The following DAZAP1 variants were observed in gnomAD, a reference collection of about 807,000 sequenced individuals.
DAZAP1 encodes the protein DAZ-associated protein 1.
DAZAP1 carries 6 observed loss-of-function variants against 60.1 expected under a neutral mutation model. That is an observed-to-expected ratio of 0.10 (90% confidence interval 0.05 to 0.20). The LOEUF (loss-of-function observed/expected upper bound fraction) is 0.20. Ranked by LOEUF, DAZAP1 falls within the 10% of genes least tolerant of loss-of-function variation. DAZAP1 has a pLI of 1.00. For missense variants in DAZAP1, 366 were observed against 560.4 expected (o/e 0.65, Z 3.50); for synonymous variants, 235 against 215.9 (o/e 1.09, Z -0.78).
intron 5 of DAZAP1, 50 bp downstream of exon 5, chr19:1,421,308 C>T (rs2083149047): frequency 4.5e-6 from 7 of 1,555,726 alleles, no homozygotes; most frequent in Non-Finnish European, 6.2e-6. Context: ...GCCGCTTCTG[C>T]TCAGGCCTGG....
chr19:1,407,739 G>A lies in DAZAP1; in HGVS notation c.-35G>A, dbSNP rs2082706089. 2 of 1,080,616 alleles carry A rather than the reference G, an allele frequency of 1.9e-6. No homozygotes were observed. The highest frequency in any genetic ancestry group is 1.7e-5 in the African/African-American group (1 of 58,566). The allele number at this position is 1,080,616 out of a possible 1,614,324, so 66.9% of individuals were successfully genotyped here. On this transcript the variant is annotated 5_prime_UTR_variant, in exon 1 of 12. Transcript: ENST00000233078. ...TCCGGAGGCGGGAGCGAGCGAGGAG[G>A]CCCGGGAGCGCCGAGCGTCGCCGCC...
At chr19:1,417,408 T>G in intron 1 of DAZAP1, 92 bp from the exon 2 acceptor site, 1 of 1,410,002 alleles carries the variant, frequency 7.1e-7, no homozygotes, top group Non-Finnish European at 9.8e-7. Context: ...GCTGCTTCTG[T>G]GGTTTGAATT....
At chr19:1,414,576 C>G (rs1376334080) in intron 1 of DAZAP1, among the ~76,000 whole-genome samples, 2 of 151,794 alleles carry the variant, frequency 1.3e-5, no homozygotes, top group Non-Finnish European at 2.9e-5. Context: ...GAAACCCCGT[C>G]TCTACTAAAA....
rs1033916463 is a variant in DAZAP1, at chr19:1,425,413, G to A, written c.464-465G>A. Among the ~76,000 whole-genome samples the A allele has an allele frequency of 2.6e-5, 4 of 152,202 alleles. No homozygotes were observed. Among genetic ancestry groups the A allele is most frequent in the African/African-American group, 9.6e-5 (4 of 41,454 alleles). ...CCCTGACTAAGATGGCGCATTCCAC[G>A]CGGGCCCCCGGCCTGCAGGGTTCAC... On this transcript the variant is annotated intron_variant, in intron 6 of 11. Coordinates refer to ENST00000233078, the MANE Select transcript of DAZAP1 (RefSeq NM_018959.4). This position sits in a 1 kb window ranked among gnomAD's most constrained non-coding sequence, Gnocchi z 5.4.
chr19:1,429,506 C>G (rs2083388546), intron 8 of DAZAP1, among the ~76,000 whole-genome samples: 1 of 152,220 alleles, frequency 6.6e-6, no homozygotes, highest in African/African-American at 2.4e-5. Context: ...TGGCTGCAGC[C>G]CGACCCGAGT....
intron 1 of DAZAP1, among the ~76,000 whole-genome samples, chr19:1,413,673 A>G (rs1382721621): frequency 6.6e-6 from 1 of 152,144 alleles, no homozygotes; most frequent in East Asian, 1.9e-4. Context: ...GCGGTGCCTC[A>G]CGCCTGTCAT....
In DAZAP1 at chr19:1,425,604, G is replaced by T. The variant is rs917297482; in HGVS notation, c.464-274G>T. Reference sequence around the variant, plus strand: ...TTGTTCCAAATCTTTGTGACACGGAGCCCCAGCCCGGGGTGTCTGGGGCGG... The same window carrying T: ...TTGTTCCAAATCTTTGTGACACGGATCCCCAGCCCGGGGTGTCTGGGGCGG... On this transcript the variant is annotated intron_variant, in intron 6 of 11. Transcript: ENST00000233078. This position sits in a 1 kb window ranked among gnomAD's most constrained non-coding sequence, Gnocchi z 5.4. Among the ~76,000 whole-genome samples, 3 of 152,222 alleles carry T rather than the reference G, an allele frequency of 2.0e-5. No individual in the cohort carries two copies. The highest frequency in any genetic ancestry group is 2.4e-5 in the African/African-American group (1 of 41,460).
rs1211384011 is a variant in DAZAP1, at chr19:1,432,740, GC to G, written c.1048+51del. 6.5e-6 allele frequency: 10 copies of G among 1,527,446 alleles called. No homozygotes were observed. In the Admixed American group the frequency reaches 2.0e-4, roughly 30 times the overall value. 94.6% of individuals were successfully genotyped at this position (1,527,446 alleles called of 1,614,324 possible). Reference sequence around the variant, plus strand: ...GTCCCCGCTGGCCCCAGGACCCTGGGCACGGCCTGCCTTCTTCTGCTTCCTC... The same window carrying G: ...GTCCCCGCTGGCCCCAGGACCCTGGGACGGCCTGCCTTCTTCTGCTTCCTC... On this transcript the variant is annotated intron_variant, in intron 11 of 11. Coordinates refer to ENST00000233078, the MANE Select transcript of DAZAP1 (RefSeq NM_018959.4). This position sits in a 1 kb window ranked among gnomAD's most constrained non-coding sequence, Gnocchi z 4.9.
chr19:1,409,136 G>A (rs944738962), intron 1 of DAZAP1, among the ~76,000 whole-genome samples: 1 of 152,238 alleles, frequency 6.6e-6, no homozygotes, highest in Non-Finnish European at 1.5e-5. Flanking sequence ...CCCCTGCCTA[G>A]CCCGTGCTGT....
intron 1 of DAZAP1, 107 bp from the exon 2 acceptor site, chr19:1,417,393 C>T (rs991570332): frequency 2.2e-5 from 28 of 1,271,136 alleles, no homozygotes; most frequent in African/African-American, 3.0e-5. Flanking sequence ...AGGACGTTTG[C>T]GTCAGCTGCT....
intron 5 of DAZAP1, among the ~76,000 whole-genome samples, chr19:1,421,562 A>G (rs1291105121): frequency 3.3e-5 from 5 of 152,230 alleles, no homozygotes; most frequent in African/African-American, 7.2e-5. Flanking sequence ...GGGCAGTTAC[A>G]CAGAAACGGG....
chr19:1,433,698 C>A lies in DAZAP1; in HGVS notation c.1048+1008C>A. 6.4e-7 allele frequency: 1 copy of A among 1,551,116 alleles called. No individual in the cohort carries two copies. Among genetic ancestry groups the A allele is most frequent in the Non-Finnish European group, 8.9e-7 (1 of 1,125,062 alleles). On this transcript the variant is annotated intron_variant, in intron 11 of 11. Coordinates refer to ENST00000233078, the MANE Select transcript of DAZAP1 (RefSeq NM_018959.4). This position sits in a 1 kb window ranked among gnomAD's most constrained non-coding sequence, Gnocchi z 6.1. ...GTGTGTCAGCCGCTGCTCTTGGTGG[C>A]GGCTGCTTGGGTTGGTCACCCTGGT... is the stretch of plus-strand genomic sequence containing the variant.
Position 1,434,831 on chromosome 19 carries a change from G to C in DAZAP1, c.1143G>C (p.Ser381=). 1.9e-6 allele frequency: 3 copies of C among 1,598,210 alleles called. No individual in the cohort carries two copies. The highest frequency in any genetic ancestry group is 2.6e-6 in the Non-Finnish European group (3 of 1,172,728). ...PSYGGPSVPG[S]GGPPAGGSGF... is the part of the protein sequence containing the mutation. ...ACGGGGGTCCCTCCGTGCCAGGGTC[G>C]GGGGGCCCCCCCGCCGGCGGCAGCG... Residue 381 remains serine (S), a synonymous_variant, in exon 12 of 12, where the codon TCG becomes TCC. Transcript: ENST00000233078. The surrounding 1 kb of genome is among the most constrained non-coding windows in gnomAD (Gnocchi z 8.0).
At chr19:1,419,863 C>T (rs1359731791) in intron 4 of DAZAP1, among the ~76,000 whole-genome samples, 2 of 138,604 alleles carry the variant, frequency 1.4e-5, no homozygotes, top group South Asian at 2.4e-4. Flanking sequence ...CCATCCCGAC[C>T]GTCACGGCAG....
chr19:1,424,513 C>T (rs997499371), intron 6 of DAZAP1, among the ~76,000 whole-genome samples: 5 of 151,896 alleles, frequency 3.3e-5, no homozygotes, highest in South Asian at 2.1e-4. Context: ...CATCTTTCCC[C>T]GCCCCCAGTT....
intron 10 of DAZAP1, among the ~76,000 whole-genome samples, chr19:1,431,825 C>T (rs1041260521): frequency 5.9e-5 from 9 of 152,178 alleles, no homozygotes; most frequent in Non-Finnish European, 7.3e-5. Context: ...CCAGCAGGAA[C>T]GGCACCGTGA....
In DAZAP1 at chr19:1,434,664, C is replaced by T; in HGVS notation, c.1049-73C>T. ...CAAGGCAGGCTCGGCGGAGCTGTGTCCAGGTGGCCTCGCTCGACGGCAGTG... is the reference window on the plus strand; with the variant it reads ...CAAGGCAGGCTCGGCGGAGCTGTGTTCAGGTGGCCTCGCTCGACGGCAGTG... On this transcript the variant is annotated intron_variant, in intron 11 of 11. Transcript: ENST00000233078. The surrounding 1 kb of genome is among the most constrained non-coding windows in gnomAD (Gnocchi z 8.0). 3.9e-6 allele frequency: 6 copies of T among 1,539,814 alleles called. No individual in the cohort carries two copies. The highest frequency in any genetic ancestry group is 5.3e-6 in the Non-Finnish European group (6 of 1,123,480).
At position 1,432,966 on chromosome 19, in the gene DAZAP1, G is replaced by C. The variant is rs538862583; in HGVS notation, c.1048+276G>C. 2.2e-6 allele frequency: 1 copy of C among 449,368 alleles called. No individual in the cohort carries two copies. Among genetic ancestry groups the C allele is most frequent in the Non-Finnish European group, 4.0e-6 (1 of 251,160 alleles). 27.8% of individuals were successfully genotyped at this position (449,368 alleles called of 1,614,324 possible). A position where few individuals can be genotyped will look rare whatever the true frequency, so the allele number is the denominator to read the frequency against. On this transcript the variant is annotated intron_variant, in intron 11 of 11. Coordinates refer to ENST00000233078, the MANE Select transcript of DAZAP1 (RefSeq NM_018959.4). The surrounding 1 kb of genome is among the most constrained non-coding windows in gnomAD (Gnocchi z 4.9). ...TGGGAACCTGAGTGGCGACTGGGTC[G>C]AGGGAAGTGAGTCGCAGGCAGCTGT...
At chr19:1,407,943 C>T (rs1233317964) in intron 1 of DAZAP1, 141 bp downstream of exon 1, 4 of 748,018 alleles carry the variant, frequency 5.3e-6, no homozygotes, top group Non-Finnish European at 6.6e-6. Flanking sequence ...CCGGACTCGC[C>T]GCGGCTTCGC....
Sources: allele counts gnomAD v4.1 joint callset (sites outside exome capture counted in the v4.1 genomes callset), GRCh38; gene constraint gnomAD v4.1.1; non-coding constraint Gnocchi (gnomAD v3.1); transcripts MANE v1.5; gene names NCBI Gene and HGNC (gene_info 2026-07-23, HGNC 2026-07-21).